VPS41: variants seen among roughly 807,000 people sequenced by gnomAD.
The protein encoded by VPS41 is vacuolar protein sorting-associated protein 41 homolog.
Under a neutral mutation model 130.9 loss-of-function variants are expected in VPS41, and 85 were observed. That is an observed-to-expected ratio of 0.65 (90% CI 0.55 to 0.78). The LOEUF (loss-of-function observed/expected upper bound fraction) is 0.78. Among genes scored for constraint, VPS41 ranks in the 30% least tolerant of loss-of-function variants. The pLI, the probability that VPS41 is intolerant of heterozygous loss-of-function variation, is 0.00. For synonymous variants in VPS41, 335 were observed against 332.9 expected (o/e 1.01, Z -0.07); for missense variants, 874 against 1,018.7 (o/e 0.86, Z 1.93).
intron 2 of VPS41, among the ~76,000 whole-genome samples, chr7:38,885,577 C>T (rs963663087): frequency 1.3e-5 from 2 of 152,118 alleles, no homozygotes; most frequent in African/African-American, 4.8e-5. Context: ...CCAGCCTCTC[C>T]CACCAAATAT....
chr7:38,877,922 C>CG (rs1786524447), intron 2 of VPS41, among the ~76,000 whole-genome samples: 1 of 152,152 alleles, frequency 6.6e-6, no homozygotes, highest in South Asian at 2.1e-4. Flanking sequence ...CTCACAGAGC[C>CG]GACCCCTGCC....
At chr7:38,747,356 T>C (rs555893138) in intron 22 of VPS41, among the ~76,000 whole-genome samples, 10 of 152,180 alleles carry the variant, frequency 6.6e-5, no homozygotes, top group Non-Finnish European at 7.3e-5. Flanking sequence ...TAGTTTATAG[T>C]TGAGTGGGAC....
At chr7:38,778,019 G>C (rs1192328932) in intron 10 of VPS41, among the ~76,000 whole-genome samples, 1 of 152,160 alleles carries the variant, frequency 6.6e-6, no homozygotes, top group Non-Finnish European at 1.5e-5. Context: ...TCCTTACGCA[G>C]CTGTTATCAC....
chr7:38,861,337 A>C (rs1786107137), intron 4 of VPS41, among the ~76,000 whole-genome samples: 1 of 152,156 alleles, frequency 6.6e-6, no homozygotes, highest in Non-Finnish European at 1.5e-5. Flanking sequence ...CACGCACAAC[A>C]CCACAAAAAC....
Position 38,909,162 on chromosome 7 carries a change from C to T in VPS41, c.13G>A (p.Glu5Lys), listed in dbSNP as rs746603258. The change falls in exon 1 of 29, where the codon GAG becomes AAG. Residue 5 changes from glutamate to lysine, a missense_variant. Glu to Lys is a moderately conservative substitution (Grantham distance 56). Transcript: ENST00000310301. MAEAEEQETGSLEES... is the reference protein window; with the variant it reads MAEAKEQETGSLEES... ...CCACCTGCACCCTTTACCTGCTCCT[C>T]TGCTTCCGCCATGGCGCCACGGGAG... 2 of 1,614,266 alleles carry T rather than the reference C, an allele frequency of 1.2e-6. No individual in the cohort carries two copies. The highest frequency in any genetic ancestry group is 2.2e-5 in the South Asian group (2 of 91,092).
rs141796255 is a variant in VPS41, at chr7:38,754,950, G to T, written c.1696-14C>A. On this transcript the variant is annotated splice_polypyrimidine_tract_variant and intron_variant, in intron 19 of 28. Coordinates refer to ENST00000310301, the MANE Select transcript of VPS41 (RefSeq NM_014396.4). The stretch of plus-strand genomic sequence containing the variant: ...GTCAACAGCTTTCTGAAACATATAA[G>T]AAAAGCCACAGTCAATGAAATCCGT... The T allele has an allele frequency of 2.7e-4, 436 of 1,612,470 alleles. No homozygotes were observed. The highest frequency in any genetic ancestry group is 3.4e-4 in the Non-Finnish European group (406 of 1,179,180).
intron 4 of VPS41, among the ~76,000 whole-genome samples, chr7:38,858,635 T>C (rs1366002242): frequency 1.3e-5 from 2 of 152,220 alleles, no homozygotes; most frequent in Non-Finnish European, 2.9e-5. Context: ...ATAATGGAGC[T>C]GGAAAATTCC....
At chr7:38,737,952 C>G (rs1392873276) in intron 25 of VPS41, among the ~76,000 whole-genome samples, 1 of 152,216 alleles carries the variant, frequency 6.6e-6, no homozygotes, top group African/African-American at 2.4e-5. Flanking sequence ...ATGTCTGCAG[C>G]CCCTAAAGCA....
At chr7:38,844,705 T>C (rs1240920828) in intron 4 of VPS41, among the ~76,000 whole-genome samples, 1 of 152,198 alleles carries the variant, frequency 6.6e-6, no homozygotes, top group Non-Finnish European at 1.5e-5. Context: ...TTCATTAAAA[T>C]ATCCCTTCTT....
At chr7:38,800,703 G>A (rs1179708890) in intron 7 of VPS41, among the ~76,000 whole-genome samples, 1 of 152,154 alleles carries the variant, frequency 6.6e-6, no homozygotes, top group Admixed American at 6.5e-5. Context: ...AAGCATGGTG[G>A]CCGGCACCTG....
At chr7:38,862,468 C>T in intron 4 of VPS41, 77 bp downstream of exon 4, 1 of 907,198 alleles carries the variant, frequency 1.1e-6, no homozygotes, top group Non-Finnish European at 1.7e-6. Context: ...TTAAAACAAA[C>T]TGGTAAACCA....
At chr7:38,801,654 T>C (rs913782741) in intron 7 of VPS41, among the ~76,000 whole-genome samples, 1 of 152,182 alleles carries the variant, frequency 6.6e-6, no homozygotes, top group Admixed American at 6.5e-5. Context: ...GTTTTCTCAC[T>C]GCACAACTAA....
chr7:38,891,197 C>T (rs1786859361), intron 2 of VPS41, among the ~76,000 whole-genome samples: 1 of 152,016 alleles, frequency 6.6e-6, no homozygotes. Context: ...CATAGCTCTG[C>T]AACCCAAACA....
At chr7:38,796,175 GA>G (rs961278254) in intron 8 of VPS41, among the ~76,000 whole-genome samples, 2 of 152,178 alleles carry the variant, frequency 1.3e-5, no homozygotes, top group Non-Finnish European at 2.9e-5. Context: ...AAACTGAATA[GA>G]ACCGATTTAC....
rs140183883 is a variant in VPS41, at chr7:38,792,244, G to A, written c.718-2377C>T. Among the ~76,000 whole-genome samples, 13 of 152,302 alleles carry A rather than the reference G, an allele frequency of 8.5e-5. No individual in the cohort carries two copies. In the East Asian group the frequency reaches 2.1e-3, roughly 25 times the overall value. On this transcript the variant is annotated intron_variant, in intron 9 of 28. Transcript: ENST00000310301. ...AAGTGCTACCTTAAGCTCATGTCTT[G>A]CATAAGCACAAATCAATGACTGTAA...
intron 1 of VPS41, among the ~76,000 whole-genome samples, chr7:38,906,338 T>TG (rs965994289): frequency 6.4e-4 from 98 of 152,020 alleles, no homozygotes; most frequent in East Asian, 9.7e-4. Context: ...CTGGGTTTTT[T>TG]TTTGTTTGTT....
intron 2 of VPS41, among the ~76,000 whole-genome samples, chr7:38,895,285 G>A (rs1424996913): frequency 1.3e-5 from 2 of 151,946 alleles, no homozygotes; most frequent in African/African-American, 4.8e-5. Flanking sequence ...TCGTGCCACT[G>A]CACTCCAGTC....
chr7:38,875,257 A>G (rs1277945888), intron 2 of VPS41, among the ~76,000 whole-genome samples: 1 of 152,176 alleles, frequency 6.6e-6, no homozygotes, highest in Non-Finnish European at 1.5e-5. Flanking sequence ...AAACTATAAC[A>G]TTATCACTAA....
chr7:38,879,888 C>CT lies in VPS41; in HGVS notation c.61-10636dup, dbSNP rs1326315957. On this transcript the variant is annotated intron_variant, in intron 2 of 28. Transcript: ENST00000310301. ...TTAATAAAGGTCACTAATGTCATTTCTTTAAAAAAAAAAAAAAGAAAGAAA... is the reference window on the plus strand; with the variant it reads ...TTAATAAAGGTCACTAATGTCATTTCTTTTAAAAAAAAAAAAAAGAAAGAAA... Among the ~76,000 whole-genome samples the CT allele has an allele frequency of 2.3e-4, 8 of 34,988 alleles. No homozygotes were observed. In the East Asian group the frequency reaches 0.012, roughly 52 times the overall value. 23.0% of individuals were successfully genotyped at this position (34,988 alleles called of 152,430 possible).
Sources: gnomAD v4.1 joint callset for allele counts (sites outside exome capture counted in the v4.1 genomes callset) on GRCh38, gnomAD v4.1.1 for gene constraint, MANE v1.5 for transcripts, NCBI Gene and HGNC (gene_info 2026-07-23, HGNC 2026-07-21) for gene names.